ANK2: variants seen among roughly 807,000 people sequenced by gnomAD.
The protein encoded by ANK2 is ankyrin 2, also known as ankyrin-2.
A neutral mutation model predicts 360.5 loss-of-function variants in ANK2; 83 were observed. The observed-to-expected ratio is 0.23, with a 90% CI of 0.19 to 0.28. The LOEUF is 0.28. Among genes scored for constraint, ANK2 ranks in the 10% least tolerant of loss-of-function variants. The pLI, the probability that ANK2 is intolerant of heterozygous loss-of-function variation, is 1.00. For synonymous variants in ANK2, 1,740 were observed against 1,759.5 expected (o/e 0.99, Z 0.28); for missense variants, 4,201 against 4,795.7 (o/e 0.88, Z 3.66).
chr4:112,885,388 A>G (rs2078003351), intron 1 of ANK2, among the ~76,000 whole-genome samples: 1 of 151,382 alleles, frequency 6.6e-6, no homozygotes, highest in African/African-American at 2.4e-5. Context: ...AATCCCAGTT[A>G]CTCGGGAGGC....
intron 1 of ANK2, among the ~76,000 whole-genome samples, chr4:113,159,858 G>C (rs567340627): frequency 4.0e-5 from 6 of 151,852 alleles, no homozygotes; most frequent in African/African-American, 1.4e-4. Context: ...CTGACCTCAG[G>C]TGATCTGCCT....
intron 1 of ANK2, among the ~76,000 whole-genome samples, chr4:112,866,323 G>A (rs2070512270): frequency 6.6e-6 from 1 of 152,160 alleles, no homozygotes; most frequent in South Asian, 2.1e-4. Context: ...CACAGTAGAG[G>A]TTATAGTGAG....
At chr4:113,333,261 G>T (rs2153944437) in intron 29 of ANK2, 53 bp downstream of exon 29, 1 of 1,604,544 alleles carries the variant, frequency 6.2e-7, no homozygotes, top group Non-Finnish European at 8.5e-7. Context: ...GCATGAAAAT[G>T]ATTCATTTCT....
chr4:112,799,891 A>T, the ANK2 span, among the ~76,000 whole-genome samples: 1 of 150,478 alleles, frequency 6.6e-6, no homozygotes, highest in Non-Finnish European at 1.5e-5. Flanking sequence ...CCTTAATAAC[A>T]TGAATTCTGA....
chr4:113,018,891 A>G (rs183276161), intron 2 of ANK2, among the ~76,000 whole-genome samples: 3 of 152,316 alleles, frequency 2.0e-5, no homozygotes, highest in Admixed American at 1.3e-4. Context: ...TGTTAATTCT[A>G]TAATCCTCTG....
At chr4:112,929,946 C>T (rs918376964) in intron 2 of ANK2, among the ~76,000 whole-genome samples, 4 of 152,104 alleles carry the variant, frequency 2.6e-5, no homozygotes, top group Non-Finnish European at 5.9e-5. Flanking sequence ...AGTTAGGAGA[C>T]TGTGATAGGA....
chr4:112,734,142 A>G, the ANK2 span, among the ~76,000 whole-genome samples: 13 of 152,212 alleles, frequency 8.5e-5, no homozygotes, highest in South Asian at 2.1e-4. Context: ...ATACATATAT[A>G]TATGCATAGT....
chr4:112,903,677 G>T (rs1440587426), intron 1 of ANK2, among the ~76,000 whole-genome samples: 2 of 152,192 alleles, frequency 1.3e-5, no homozygotes, highest in Non-Finnish European at 2.9e-5. Flanking sequence ...AATATAACAA[G>T]ATTTTGGCAT....
At chr4:112,762,602 C>G in the ANK2 span, among the ~76,000 whole-genome samples, 1 of 152,172 alleles carries the variant, frequency 6.6e-6, no homozygotes, top group African/African-American at 2.4e-5. Flanking sequence ...CTCTGCCTCC[C>G]GGGTTCAAGC....
chr4:112,905,935 T>C (rs1326933029), intron 2 of ANK2, among the ~76,000 whole-genome samples: 3 of 152,198 alleles, frequency 2.0e-5, no homozygotes, highest in Non-Finnish European at 4.4e-5. Context: ...GTGCTGGGAT[T>C]ATAGGCATGA....
chr4:113,320,753 A>G (rs1188545230), intron 26 of ANK2, among the ~76,000 whole-genome samples: 7 of 152,332 alleles, frequency 4.6e-5, no homozygotes, highest in Non-Finnish European at 1.0e-4. Context: ...ACAAGCGCCA[A>G]TAGTACAGTT....
At chr4:113,312,547 A>G (rs1262097913) in intron 24 of ANK2, among the ~76,000 whole-genome samples, 1 of 151,272 alleles carries the variant, frequency 6.6e-6, no homozygotes, top group Non-Finnish European at 1.5e-5. Flanking sequence ...TTAACTTCAT[A>G]GTCTAATGGG....
At chr4:112,934,764 G>A (rs1467401185) in intron 2 of ANK2, among the ~76,000 whole-genome samples, 2 of 152,242 alleles carry the variant, frequency 1.3e-5, no homozygotes, top group South Asian at 2.1e-4. Flanking sequence ...CTAGTGGAAG[G>A]TGACAGAAAA....
At chr4:113,026,241 C>G (rs1311404324) in intron 2 of ANK2, among the ~76,000 whole-genome samples, 1 of 152,154 alleles carries the variant, frequency 6.6e-6, no homozygotes, top group Non-Finnish European at 1.5e-5. Flanking sequence ...TATTGACAGA[C>G]TGGAGTTTTC....
chr4:112,957,735 G>A (rs1270446170), intron 2 of ANK2, among the ~76,000 whole-genome samples: 1 of 148,186 alleles, frequency 6.7e-6, no homozygotes, highest in Non-Finnish European at 1.5e-5. Flanking sequence ...GCTGCCGGGC[G>A]GAGACGCTCC....
intron 1 of ANK2, among the ~76,000 whole-genome samples, chr4:112,835,027 C>T (rs1363922401): frequency 1.3e-5 from 2 of 152,146 alleles, no homozygotes; most frequent in African/African-American, 4.8e-5. Context: ...CTCTGCTCTT[C>T]CTGCTGTATC....
chr4:112,806,953 T>C, the ANK2 span, among the ~76,000 whole-genome samples: 1 of 152,232 alleles, frequency 6.6e-6, no homozygotes, highest in Non-Finnish European at 1.5e-5. Context: ...TCCTCTTTTC[T>C]TTGTTTAAGA....
chr4:112,766,011 G>C, the ANK2 span, among the ~76,000 whole-genome samples: 1 of 152,126 alleles, frequency 6.6e-6, no homozygotes, highest in African/African-American at 2.4e-5. Context: ...GACACAATGT[G>C]ATACACCAGC....
At chr4:113,026,031 G>C (rs1490677277) in intron 2 of ANK2, among the ~76,000 whole-genome samples, 2 of 152,062 alleles carry the variant, frequency 1.3e-5, no homozygotes, top group Non-Finnish European at 2.9e-5. Flanking sequence ...TGCTTTCTTG[G>C]TCATTTTGCA....
Sources: allele counts gnomAD v4.1 joint callset (sites outside exome capture counted in the v4.1 genomes callset), GRCh38; gene constraint gnomAD v4.1.1; transcripts MANE v1.5; gene names NCBI Gene and HGNC (gene_info 2026-07-23, HGNC 2026-07-21).